The following TMEM117 variants were observed in gnomAD, a reference collection of about 807,000 sequenced individuals.
TMEM117 encodes the protein transmembrane protein 117.
A neutral mutation model predicts 52.4 loss-of-function variants in TMEM117; 27 were observed. That is an observed-to-expected ratio of 0.51 (90% CI 0.38 to 0.71). The LOEUF is 0.71. Among genes scored for constraint, TMEM117 ranks in the 30% least tolerant of loss-of-function variants. The probability of loss-of-function intolerance (pLI) is 0.00; values close to 1 mark genes in which losing one functional copy is unlikely to be tolerated. For missense variants in TMEM117, 556 were observed against 630.5 expected, an observed-to-expected ratio of 0.88 and a Z score of 1.26; for synonymous variants, 215 against 206.3, an observed-to-expected ratio of 1.04 and a Z score of -0.36.
intron 3 of TMEM117, among the ~76,000 whole-genome samples, chr12:43,983,496 G>T (rs1945793624): frequency 7.3e-6 from 1 of 136,694 alleles, no homozygotes; most frequent in South Asian, 2.7e-4. Context: ...AGTAATTGTG[G>T]TTTTTGCCAT....
rs184651831 is a variant in TMEM117 at position 44,074,918 on chromosome 12, C to G, written c.411-68607C>G. 7.7e-3 allele frequency among the ~76,000 whole-genome samples: 1,169 copies of G among 152,254 alleles called. 9 individuals are homozygous for G. The highest frequency in any genetic ancestry group is 0.027 in the African/African-American group (1,110 of 41,556). ...AAATTGAGAAAGGATGTAAACCCCA[C>G]TCTTTATACACTAATGCATTAGTGT... On this transcript the variant is annotated intron_variant, in intron 3 of 7. Coordinates refer to ENST00000266534, the MANE Select transcript of TMEM117 (RefSeq NM_032256.3).
At chr12:44,099,019 G>A (rs973088394) in intron 3 of TMEM117, among the ~76,000 whole-genome samples, 1 of 152,060 alleles carries the variant, frequency 6.6e-6, no homozygotes, top group Admixed American at 6.6e-5. Flanking sequence ...GTCTCATGAT[G>A]TGTTAATTTG....
chr12:44,365,705 T>G (rs537591700), intron 6 of TMEM117, among the ~76,000 whole-genome samples: 41 of 152,234 alleles, frequency 2.7e-4, no homozygotes, highest in Non-Finnish European at 5.0e-4. Context: ...TTGCTTAGTC[T>G]GAATTGAATA....
intron 5 of TMEM117, among the ~76,000 whole-genome samples, chr12:44,220,841 A>G (rs1010713167): frequency 1.3e-5 from 2 of 152,214 alleles, no homozygotes; most frequent in Non-Finnish European, 2.9e-5. Flanking sequence ...AATGAATTAC[A>G]TAGTATTAGA....
chr12:44,004,984 G>A (rs1354524989), intron 3 of TMEM117, among the ~76,000 whole-genome samples: 1 of 152,184 alleles, frequency 6.6e-6, no homozygotes, highest in African/African-American at 2.4e-5. Flanking sequence ...TTAAAAGCCG[G>A]ACAAGTAGTA....
At chr12:44,245,971 A>AT (rs1229168547) in intron 5 of TMEM117, among the ~76,000 whole-genome samples, 1 of 152,096 alleles carries the variant, frequency 6.6e-6, no homozygotes, top group East Asian at 1.9e-4. Flanking sequence ...TGTATGCACC[A>AT]TTTTTTAAAA....
At chr12:44,115,250 T>A (rs745747042) in intron 3 of TMEM117, among the ~76,000 whole-genome samples, 1 of 152,070 alleles carries the variant, frequency 6.6e-6, no homozygotes, top group Admixed American at 6.6e-5. Context: ...TAGGTGGGAA[T>A]TGAACAATGA....
At chr12:44,234,629 A>AT (rs973285881) in intron 5 of TMEM117, among the ~76,000 whole-genome samples, 28 of 149,924 alleles carry the variant, frequency 1.9e-4, no homozygotes, top group Non-Finnish European at 2.8e-4. Context: ...TATTTCCTAC[A>AT]TTTTTTTTGC....
At chr12:44,241,723 C>A (rs939250112) in intron 5 of TMEM117, among the ~76,000 whole-genome samples, 2 of 151,896 alleles carry the variant, frequency 1.3e-5, no homozygotes, top group Admixed American at 1.3e-4. Context: ...TTAAAGCTGG[C>A]AAAACAGTAG....
chr12:44,165,592 C>G (rs193026195), intron 4 of TMEM117, among the ~76,000 whole-genome samples: 46 of 152,206 alleles, frequency 3.0e-4, no homozygotes, highest in African/African-American at 1.1e-3. Flanking sequence ...TTAGATAAAA[C>G]AGACTTTAAG....
At chr12:44,075,418 C>T (rs1947366627) in intron 3 of TMEM117, among the ~76,000 whole-genome samples, 1 of 152,166 alleles carries the variant, frequency 6.6e-6, no homozygotes, top group Admixed American at 6.5e-5. Context: ...GGGCCCTGCA[C>T]TTGGTTTAAT....
the TMEM117 span, among the ~76,000 whole-genome samples, chr12:44,395,673 A>G: frequency 6.6e-6 from 1 of 152,208 alleles, no homozygotes; most frequent in Admixed American, 6.5e-5. Flanking sequence ...GGACTCAGAC[A>G]TGTTTCAGCA....
At chr12:43,835,741 G>C (rs1356760759), upstream of TMEM117, among the ~76,000 whole-genome samples, 1 of 152,126 alleles carries the variant, frequency 6.6e-6, no homozygotes, top group Admixed American at 6.5e-5. Context: ...TCCTGAGTCC[G>C]TCCCTCGCCT....
intron 6 of TMEM117, among the ~76,000 whole-genome samples, chr12:44,304,468 G>A (rs565703484): frequency 6.6e-5 from 10 of 152,270 alleles, no homozygotes; most frequent in South Asian, 2.1e-4. Context: ...TGTGTCATGC[G>A]ACCTAGTGAG....
chr12:44,215,639 C>T (rs1949705131), intron 5 of TMEM117, among the ~76,000 whole-genome samples: 1 of 152,108 alleles, frequency 6.6e-6, no homozygotes, highest in Non-Finnish European at 1.5e-5. Context: ...GCTTCTATCC[C>T]CCTGATTTGT....
Position 44,148,119 on chromosome 12 carries a change from C to G in TMEM117, c.510+4495C>G, listed in dbSNP as rs554771172. Among the ~76,000 whole-genome samples the G allele has an allele frequency of 1.1e-4, 16 of 152,246 alleles. No homozygotes were observed. In the South Asian group the frequency reaches 3.1e-3, roughly 30 times the overall value. On this transcript the variant is annotated intron_variant, in intron 4 of 7. Transcript: ENST00000266534. ...CGGAATTTATGTATATGTGCCACTA[C>G]TAGCAAAGGCTTTACCATAAAGTGA...
At chr12:44,013,205 T>A (rs1033714320) in intron 3 of TMEM117, among the ~76,000 whole-genome samples, 4 of 152,098 alleles carry the variant, frequency 2.6e-5, no homozygotes, top group African/African-American at 4.8e-5. Context: ...AATGTTTGTA[T>A]TTTTTGTAGA....
At chr12:44,265,125 G>A (rs1176469645) in intron 5 of TMEM117, among the ~76,000 whole-genome samples, 2 of 152,154 alleles carry the variant, frequency 1.3e-5, no homozygotes, top group African/African-American at 4.8e-5. Context: ...ACTTTTGCCT[G>A]GGAGTTTAGA....
chr12:43,946,760 T>C (rs1165276342), intron 3 of TMEM117, among the ~76,000 whole-genome samples: 1 of 152,234 alleles, frequency 6.6e-6, no homozygotes, highest in Non-Finnish European at 1.5e-5. Context: ...CTCTGTGTTT[T>C]ATTATTCAAG....
Sources: gnomAD v4.1 joint callset for allele counts (sites outside exome capture counted in the v4.1 genomes callset) on GRCh38, gnomAD v4.1.1 for gene constraint, MANE v1.5 for transcripts, NCBI Gene and HGNC (gene_info 2026-07-23, HGNC 2026-07-21) for gene names.